The following ECT2 variants were observed in gnomAD, a reference collection of about 807,000 sequenced individuals.
The protein encoded by ECT2 is protein ECT2.
Under a neutral mutation model 116.9 loss-of-function variants are expected in ECT2, and 61 were observed. That is an observed-to-expected ratio of 0.52 (90% CI 0.42 to 0.65). The LOEUF is 0.65. Among genes scored for constraint, ECT2 ranks in the 30% least tolerant of loss-of-function variants. The pLI, the probability that ECT2 is intolerant of heterozygous loss-of-function variation, is 0.00. For synonymous variants in ECT2, 358 were observed against 346.4 expected (o/e 1.03, Z -0.37); for missense variants, 937 against 1,078.7 (o/e 0.87, Z 1.84).
At chr3:172,769,212 T>C (rs1455902263) in intron 13 of ECT2, 69 bp downstream of exon 13, 14 of 1,412,862 alleles carry the variant, frequency 9.9e-6, no homozygotes, top group Admixed American at 6.6e-5. Flanking sequence ...CTAGGTGATA[T>C]TGTTTCTTAC....
intron 22 of ECT2, among the ~76,000 whole-genome samples, chr3:172,814,411 T>G (rs1162211399): frequency 6.6e-6 from 1 of 152,090 alleles, no homozygotes; most frequent in Non-Finnish European, 1.5e-5. Context: ...TTCACAAGGT[T>G]GTTTTTTCTC....
intron 18 of ECT2, among the ~76,000 whole-genome samples, chr3:172,789,977 T>G (rs1724355344): frequency 6.6e-6 from 1 of 152,034 alleles, no homozygotes; most frequent in African/African-American, 2.4e-5. Context: ...TGTCGATGTT[T>G]TGACCTCCCA....
At chr3:172,782,720 G>A (rs1191943572) in intron 15 of ECT2, among the ~76,000 whole-genome samples, 3 of 152,072 alleles carry the variant, frequency 2.0e-5, no homozygotes, top group African/African-American at 7.2e-5. Flanking sequence ...CCCCAGGTAT[G>A]TGTTGTTCCC....
intron 21 of ECT2, among the ~76,000 whole-genome samples, chr3:172,806,746 T>C (rs1374686275): frequency 3.3e-5 from 5 of 150,654 alleles, no homozygotes; most frequent in African/African-American, 1.2e-4. Context: ...CCCGCCAGGA[T>C]TCTCCTGCCT....
At chr3:172,775,855 A>G (rs932689455) in intron 14 of ECT2, among the ~76,000 whole-genome samples, 2 of 151,970 alleles carry the variant, frequency 1.3e-5, no homozygotes, top group Admixed American at 6.6e-5. Flanking sequence ...GCTGGTCTTG[A>G]ACTCCTGACC....
intron 13 of ECT2, among the ~76,000 whole-genome samples, chr3:172,769,700 A>G (rs1225776187): frequency 6.6e-6 from 1 of 152,190 alleles, no homozygotes; most frequent in Admixed American, 6.5e-5. Flanking sequence ...TCTGAAGAAA[A>G]CAGCTCTAAT....
At chr3:172,786,292 G>A (rs1723597944) in intron 17 of ECT2, among the ~76,000 whole-genome samples, 2 of 152,152 alleles carry the variant, frequency 1.3e-5, no homozygotes. Flanking sequence ...TACATATTCT[G>A]AAAATTTAGT....
chr3:172,769,400 T>A (rs1720189741), intron 13 of ECT2, among the ~76,000 whole-genome samples: 1 of 152,136 alleles, frequency 6.6e-6, no homozygotes, highest in Non-Finnish European at 1.5e-5. Context: ...CTCAGGAGTA[T>A]CAAGTTTAAT....
At chr3:172,758,627 A>G (rs1364942974) in intron 5 of ECT2, among the ~76,000 whole-genome samples, 1 of 152,192 alleles carries the variant, frequency 6.6e-6, no homozygotes, top group South Asian at 2.1e-4. Flanking sequence ...ACCTGTTTTA[A>G]TGACATTAAT....
chr3:172,801,214 A>G (rs1422067825), intron 18 of ECT2, among the ~76,000 whole-genome samples: 1 of 152,124 alleles, frequency 6.6e-6, no homozygotes, highest in Non-Finnish European at 1.5e-5. Flanking sequence ...TTTGAGAGCT[A>G]GATATTTTTG....
rs749881479 is a variant in ECT2 at position 172,821,130 on chromosome 3, C to T, written c.*893C>T. 2 of 151,724 alleles carry T rather than the reference C, an allele frequency of 1.3e-5. No individual in the cohort carries two copies. Among genetic ancestry groups the T allele is most frequent in the Non-Finnish European group, 3.0e-5 (2 of 67,764 alleles). The allele number at this position is 151,724 out of a possible 1,614,324, so 9.4% of individuals were successfully genotyped here. ...ATCTTCTGTGAAATGCATAGATATGCGCATGTTCAACTTTTTATTGTGGTC... is the reference window on the plus strand; with the variant it reads ...ATCTTCTGTGAAATGCATAGATATGTGCATGTTCAACTTTTTATTGTGGTC... On this transcript the variant is annotated 3_prime_UTR_variant, in exon 25 of 25. Transcript: ENST00000392692.
intron 18 of ECT2, among the ~76,000 whole-genome samples, chr3:172,786,785 G>A (rs1264390993): frequency 1.3e-5 from 2 of 152,200 alleles, no homozygotes; most frequent in East Asian, 3.9e-4. Context: ...AAACTATTGT[G>A]CACAGAGAAT....
chr3:172,809,289 T>C (rs1728316949), intron 22 of ECT2, among the ~76,000 whole-genome samples: 2 of 152,078 alleles, frequency 1.3e-5, no homozygotes, highest in African/African-American at 4.8e-5. Context: ...AGCCACATGA[T>C]GGCTAATAGT....
At chr3:172,786,686 A>C in intron 18 of ECT2, 112 bp downstream of exon 18, 1 of 685,634 alleles carries the variant, frequency 1.5e-6, no homozygotes, top group South Asian at 2.0e-5. Context: ...TAAAATGTCT[A>C]GATTATTTTT....
chr3:172,776,726 G>T (rs5026025), intron 14 of ECT2, among the ~76,000 whole-genome samples: 1 of 152,156 alleles, frequency 6.6e-6, no homozygotes, highest in Non-Finnish European at 1.5e-5. Flanking sequence ...CATTCTTTTG[G>T]TATGTAGATG....
At position 172,759,662 on chromosome 3, in the gene ECT2, T is replaced by A. The variant is rs903504269; in HGVS notation, c.577-494T>A. ...GGTTTCACCGTGTTAGCCAGGATGG[T>A]CTTGATCTCCTGACCTCGTGATCCG... is the stretch of plus-strand genomic sequence containing the variant. On this transcript the variant is annotated intron_variant, in intron 6 of 24. Coordinates refer to ENST00000392692, the MANE Select transcript of ECT2 (RefSeq NM_001258315.2). Among the ~76,000 whole-genome samples, 4 of 152,192 alleles carry A rather than the reference T, an allele frequency of 2.6e-5. No individual in the cohort carries two copies. In the South Asian group the frequency reaches 8.3e-4, roughly 32 times the overall value.
intron 20 of ECT2, among the ~76,000 whole-genome samples, chr3:172,804,819 A>G (rs1322079495): frequency 6.6e-6 from 1 of 151,574 alleles, no homozygotes; most frequent in African/African-American, 2.4e-5. Context: ...ATTCACTTTA[A>G]TTTCTGGTAT....
chr3:172,785,030 A>G (rs1205970157), intron 17 of ECT2, among the ~76,000 whole-genome samples: 3 of 152,110 alleles, frequency 2.0e-5, no homozygotes, highest in Non-Finnish European at 4.4e-5. Context: ...TTGTCTTTTC[A>G]TTTAAAATTT....
chr3:172,754,384 T>C lies in ECT2; in HGVS notation c.-22-125T>C. On this transcript the variant is annotated intron_variant, in intron 1 of 24. Transcript: ENST00000392692. ...GAGGCTCAGAGAAGGTCAGTGACTT[T>C]CTTTGGTTCATTAAAAAAATGGGTA... 4 of 644,996 alleles carry C rather than the reference T, an allele frequency of 6.2e-6. No homozygotes were observed. The South Asian group carries it at 7.6e-5, about 12-fold the overall frequency. 40.0% of individuals were successfully genotyped at this position (644,996 alleles called of 1,614,324 possible). A position where few individuals can be genotyped will look rare whatever the true frequency, so the allele number is the denominator to read the frequency against.
Sources: gnomAD v4.1 joint callset for allele counts (sites outside exome capture counted in the v4.1 genomes callset) on GRCh38, gnomAD v4.1.1 for gene constraint, MANE v1.5 for transcripts, NCBI Gene and HGNC (gene_info 2026-07-23, HGNC 2026-07-21) for gene names.